The following PATL1 variants were observed in gnomAD, a reference collection of about 807,000 sequenced individuals.
PATL1 encodes PAT1 homolog 1, processing body mRNA decay factor.
PATL1 carries 32 observed loss-of-function variants against 100.6 expected under a neutral mutation model. The ratio of observed to expected loss-of-function variants is 0.32; its 90% CI spans 0.24 to 0.43. The LOEUF is 0.43. PATL1 is among the 20% of genes least tolerant of loss of function. PATL1 has a pLI of 1.00. For missense variants in PATL1, 747 were observed against 949.9 expected, an observed-to-expected ratio of 0.79 and a Z score of 2.81; for synonymous variants, 332 against 330.0, an observed-to-expected ratio of 1.01 and a Z score of -0.07.
chr11:59,665,105 A>T (rs1193885922), intron 2 of PATL1, among the ~76,000 whole-genome samples: 1 of 152,126 alleles, frequency 6.6e-6, no homozygotes, highest in Non-Finnish European at 1.5e-5. Context: ...TACTTTCAAC[A>T]CTTTTCTTGC....
Position 59,654,086 on chromosome 11 carries a change from A to T in PATL1, c.1032-14T>A. ...GGGGCCTGAGATCTAAGAAAAACGG[A>T]AAAGAGGTTCTCAGTTTGGTCATCC... On this transcript the variant is annotated splice_polypyrimidine_tract_variant and intron_variant, in intron 8 of 18. Coordinates refer to ENST00000300146, the MANE Select transcript of PATL1 (RefSeq NM_152716.3). The T allele has an allele frequency of 6.2e-7, 1 of 1,602,736 alleles. No individual in the cohort carries two copies. Among genetic ancestry groups the T allele is most frequent in the Non-Finnish European group, 8.5e-7 (1 of 1,169,762 alleles).
intron 12 of PATL1, 150 bp downstream of exon 12, chr11:59,651,394 A>G: frequency 1.6e-6 from 1 of 627,800 alleles, no homozygotes; most frequent in Non-Finnish European, 2.8e-6. Flanking sequence ...ACTGCAGCAC[A>G]TCTGTGGAAA....
chr11:59,655,481 C>T, intron 8 of PATL1, 42 bp downstream of exon 8: 1 of 1,445,136 alleles, frequency 6.9e-7, no homozygotes, highest in Non-Finnish European at 9.3e-7. Context: ...AATCAAGAGA[C>T]TTGGCTGATA....
At chr11:59,658,447 T>C (rs544999572) in intron 4 of PATL1, among the ~76,000 whole-genome samples, 1 of 152,102 alleles carries the variant, frequency 6.6e-6, no homozygotes, top group East Asian at 1.9e-4. Flanking sequence ...CTCAGCCTCC[T>C]GAGTAGCTGG....
intron 11 of PATL1, 40 bp from the exon 12 acceptor site, chr11:59,651,681 A>C (rs1861445354): frequency 6.6e-6 from 9 of 1,359,462 alleles, no homozygotes; most frequent in Non-Finnish European, 9.2e-6. Flanking sequence ...ACAAAATAAA[A>C]AGTCAGCAAT....
intron 16 of PATL1, among the ~76,000 whole-genome samples, chr11:59,640,724 G>GAA (rs767138695): frequency 1.4e-5 from 2 of 143,226 alleles, no homozygotes; most frequent in East Asian, 2.0e-4. Flanking sequence ...TATCTCAAAA[G>GAA]AAAAAAAAAA....
At chr11:59,666,767 C>G in intron 2 of PATL1, 86 bp downstream of exon 2, 1 of 1,365,172 alleles carries the variant, frequency 7.3e-7, no homozygotes, top group Non-Finnish European at 9.8e-7. Flanking sequence ...TAAGGTTACC[C>G]CTAATAAGAT....
At chr11:59,642,274 TCTA>T (rs1299227321) in intron 16 of PATL1, among the ~76,000 whole-genome samples, 1 of 152,268 alleles carries the variant, frequency 6.6e-6, no homozygotes, top group Non-Finnish European at 1.5e-5. Flanking sequence ...AATGGATGAT[TCTA>T]CTATTCATAG....
intron 5 of PATL1, 91 bp from the exon 6 acceptor site, chr11:59,656,691 G>C: frequency 2.7e-6 from 3 of 1,111,636 alleles, no homozygotes; most frequent in Non-Finnish European, 4.0e-6. Context: ...GTAGAGACAC[G>C]AACTCAATGC....
At position 59,668,471 on chromosome 11, in the gene PATL1, T is replaced by C. The variant is rs1861723870; in HGVS notation, c.15+410A>G. Among the ~76,000 whole-genome samples the C allele has an allele frequency of 2.0e-5, 3 of 148,188 alleles. No individual in the cohort carries two copies. In the South Asian group the frequency reaches 6.7e-4, roughly 33 times the overall value. Reference sequence around the variant, plus strand: ...TGTGTCAGTGTAATTCGAGTGGAGGTGGGTGGGGGGTGGTTCCGGGTCCAG... The same window carrying C: ...TGTGTCAGTGTAATTCGAGTGGAGGCGGGTGGGGGGTGGTTCCGGGTCCAG... On this transcript the variant is annotated intron_variant, in intron 1 of 18. Transcript: ENST00000300146.
In PATL1 at chr11:59,656,502, G is replaced by A. The variant is rs774571735; in HGVS notation, c.720C>T (p.Val240=). ...ERMSPNQLCS[V]PNSSLLGHPF... is the part of the protein sequence containing the mutation. ...TGTTAGGCTTAAAGTGACATACCGG[G>A]ACACTGCAGAGCTGGTTTGGAGACA... Residue 240 remains valine, a synonymous_variant, in exon 6 of 19, where the codon GTC becomes GTT. Transcript: ENST00000300146. 2 of 1,612,682 alleles carry A rather than the reference G, an allele frequency of 1.2e-6. No homozygotes were observed. Among genetic ancestry groups the A allele is most frequent in the Non-Finnish European group, 1.7e-6 (2 of 1,178,872 alleles).
At chr11:59,654,146 G>A in intron 8 of PATL1, 74 bp from the exon 9 acceptor site, 1 of 1,270,256 alleles carries the variant, frequency 7.9e-7, no homozygotes. Flanking sequence ...GTTGTCAGTA[G>A]AGGATAACTT....
intron 15 of PATL1, among the ~76,000 whole-genome samples, chr11:59,647,378 C>T (rs1248139034): frequency 6.6e-6 from 1 of 152,138 alleles, no homozygotes; most frequent in Non-Finnish European, 1.5e-5. Flanking sequence ...AGTTTTCAAA[C>T]TTCAGTGAAC....
intron 16 of PATL1, chr11:59,639,857 A>T (rs533915643): frequency 6.5e-6 from 1 of 154,110 alleles, no homozygotes; most frequent in South Asian, 2.0e-4. Context: ...AGGAAAATAT[A>T]CAAATAAACA....
At chr11:59,663,846 T>C (rs1016670085) in intron 2 of PATL1, among the ~76,000 whole-genome samples, 1 of 152,132 alleles carries the variant, frequency 6.6e-6, no homozygotes, top group Admixed American at 6.5e-5. Context: ...TCAAAACAAA[T>C]GTCAAAGGTC....
intron 2 of PATL1, among the ~76,000 whole-genome samples, chr11:59,659,836 G>A (rs1381987225): frequency 3.3e-5 from 5 of 152,046 alleles, no homozygotes; most frequent in African/African-American, 1.2e-4. Flanking sequence ...CACCACGCCC[G>A]GCCTACACAA....
Position 59,652,935 on chromosome 11 carries a change from G to C in PATL1, c.1205C>G (p.Ala402Gly), listed in dbSNP as rs1284600857. The C allele has an allele frequency of 2.5e-6, 4 of 1,613,802 alleles. No homozygotes were observed. In the African/African-American group the frequency reaches 4.0e-5, roughly 16 times the overall value. ...HQDHLRKDPY[A>G]NLMLQREKDW... ...CTTTTCCCGCTGCAACATGAGATTG[G>C]CATATGGATCCTTTCGGAGATGATC... Residue 402 changes from alanine (A) to glycine (G), a missense_variant, in exon 10 of 19, where the codon GCC becomes GGC. Around this residue, in one of 4 missense-constraint regions of PATL1, gnomAD observed 434 missense variants for 596.1 expected, o/e 0.73. Transcript: ENST00000300146.
rs1249643335 is a variant in PATL1 at position 59,639,203 on chromosome 11, A to G, written c.2142-6T>C. On this transcript the variant is annotated splice_region_variant and splice_polypyrimidine_tract_variant and intron_variant, in intron 17 of 18. Transcript: ENST00000300146. ...CCATGAACATCACCTCCGTCCTGAC[A>G]GGGAAGACCCATAATAATATCAGGA... is the stretch of plus-strand genomic sequence containing the variant. 2 of 1,613,086 alleles carry G rather than the reference A, an allele frequency of 1.2e-6. No individual in the cohort carries two copies. The highest frequency in any genetic ancestry group is 2.2e-5 in the South Asian group (2 of 90,958).
In PATL1 at chr11:59,638,041, CA is replaced by C. The variant is rs1861217659; in HGVS notation, c.*348del. The C allele has an allele frequency of 1.4e-5, 4 of 277,674 alleles. No homozygotes were observed. The highest frequency in any genetic ancestry group is 2.1e-5 in the Non-Finnish European group (3 of 144,390). 17.2% of individuals were successfully genotyped at this position (277,674 alleles called of 1,614,324 possible). ...TAGGATGAGGGAAGGAATCCTTTGG[CA>C]GGCTACAATCTACTCTGAGGTGGAG... is the stretch of plus-strand genomic sequence containing the variant. On this transcript the variant is annotated 3_prime_UTR_variant, in exon 19 of 19. Transcript: ENST00000300146.
Sources: gnomAD v4.1 joint callset for allele counts (sites outside exome capture counted in the v4.1 genomes callset) on GRCh38, gnomAD v4.1.1 for gene constraint, gnomAD v4.1.1 regional missense constraint, MANE v1.5 for transcripts, NCBI Gene and HGNC (gene_info 2026-07-23, HGNC 2026-07-21) for gene names.